The following ATRNL1 variants were observed in gnomAD, a reference collection of about 807,000 sequenced individuals.
ATRNL1 encodes attractin-like protein 1.
A neutral mutation model predicts 182.7 loss-of-function variants in ATRNL1; 95 were observed. That is an observed-to-expected ratio of 0.52 (90% CI 0.44 to 0.62). The LOEUF (loss-of-function observed/expected upper bound fraction) is 0.62. Among genes scored for constraint, ATRNL1 ranks in the 20% least tolerant of loss-of-function variants. The pLI, the probability that ATRNL1 is intolerant of heterozygous loss-of-function variation, is 0.00. For missense variants in ATRNL1, 1,471 were observed against 1,679.5 expected (o/e 0.88, Z 2.17); for synonymous variants, 576 against 568.3 (o/e 1.01, Z -0.19).
chr10:115,454,687 T>C (rs1847440157), intron 21 of ATRNL1, among the ~76,000 whole-genome samples: 1 of 152,156 alleles, frequency 6.6e-6, no homozygotes, highest in Admixed American at 6.6e-5. Flanking sequence ...TTAATTTCTT[T>C]TTCAGATAGT....
chr10:115,389,585 TA>T (rs1554953876), intron 19 of ATRNL1, among the ~76,000 whole-genome samples: 4 of 116,320 alleles, frequency 3.4e-5, no homozygotes, highest in East Asian at 2.4e-4. Flanking sequence ...TATATATATA[TA>T]TATATTTCAT....
chr10:115,534,781 A>G (rs528766605), intron 25 of ATRNL1, among the ~76,000 whole-genome samples: 1 of 149,626 alleles, frequency 6.7e-6, no homozygotes, highest in Admixed American at 6.7e-5. Flanking sequence ...TTCCTTCAGG[A>G]GCTCTTTTAG....
intron 27 of ATRNL1, among the ~76,000 whole-genome samples, chr10:115,727,940 A>G (rs1356893950): frequency 1.3e-5 from 2 of 151,976 alleles, no homozygotes; most frequent in Non-Finnish European, 2.9e-5. Context: ...TAGAATCCAA[A>G]AGTAATACAT....
chr10:115,681,857 C>T (rs1322602169), intron 26 of ATRNL1, among the ~76,000 whole-genome samples: 1 of 152,120 alleles, frequency 6.6e-6, no homozygotes, highest in Non-Finnish European at 1.5e-5. Context: ...ATATTGGTAA[C>T]TGTTTTTGCT....
At chr10:115,559,454 A>G (rs12782775) in intron 26 of ATRNL1, among the ~76,000 whole-genome samples, 60,197 of 135,298 alleles carry the variant, frequency 0.44, 12,550 homozygotes, top group Middle Eastern at 0.54. Flanking sequence ...GCGCGCGCGC[A>G]CGCACGCACA....
At chr10:115,717,633 T>G (rs185431185) in intron 26 of ATRNL1, among the ~76,000 whole-genome samples, 1 of 136,670 alleles carries the variant, frequency 7.3e-6, no homozygotes, top group Non-Finnish European at 1.5e-5. Context: ...CACACTGCAA[T>G]CTCCACATCC....
At chr10:115,438,014 A>T (rs1279196356) in intron 21 of ATRNL1, among the ~76,000 whole-genome samples, 1 of 152,030 alleles carries the variant, frequency 6.6e-6, no homozygotes, top group Non-Finnish European at 1.5e-5. Context: ...AATGGTATAG[A>T]TGATGCTAAA....
At position 115,930,748 on chromosome 10, in the gene ATRNL1, C is replaced by G. The variant is rs140756291; in HGVS notation, c.4019-13910C>G. 1.6e-4 allele frequency among the ~76,000 whole-genome samples: 24 copies of G among 152,236 alleles called. 2 individuals are homozygous for G. In the East Asian group the frequency reaches 4.3e-3, roughly 27 times the overall value. ...TGGATGGTAAACATCTGGGCATGAG[C>G]ATTATGAGTTAATGTGTTTTTGTAC... On this transcript the variant is annotated intron_variant, in intron 28 of 28. Coordinates refer to ENST00000355044, the MANE Select transcript of ATRNL1 (RefSeq NM_207303.4).
At chr10:115,499,107 C>A (rs1486566259) in intron 24 of ATRNL1, among the ~76,000 whole-genome samples, 1 of 151,992 alleles carries the variant, frequency 6.6e-6, no homozygotes, top group South Asian at 2.1e-4. Context: ...CATAAATATG[C>A]AAATACTATA....
chr10:115,789,527 A>T (rs563872722), intron 27 of ATRNL1, among the ~76,000 whole-genome samples: 2 of 152,190 alleles, frequency 1.3e-5, no homozygotes, highest in Non-Finnish European at 2.9e-5. Flanking sequence ...AAAGGGCTCA[A>T]CTGCGGGGGT....
chr10:115,126,051 AT>A (rs1844958790), intron 3 of ATRNL1, among the ~76,000 whole-genome samples: 3 of 152,160 alleles, frequency 2.0e-5, no homozygotes, highest in Non-Finnish European at 4.4e-5. Flanking sequence ...AAACAGATCT[AT>A]TCTTTTTTGT....
At chr10:115,724,413 CA>C (rs1947531196) in intron 26 of ATRNL1, among the ~76,000 whole-genome samples, 1 of 151,476 alleles carries the variant, frequency 6.6e-6, no homozygotes, top group South Asian at 2.1e-4. Flanking sequence ...TCTTCTGAGA[CA>C]AAAATAGTGC....
At chr10:115,611,643 T>C (rs1463346568) in intron 26 of ATRNL1, among the ~76,000 whole-genome samples, 1 of 152,154 alleles carries the variant, frequency 6.6e-6, no homozygotes, top group Admixed American at 6.5e-5. Context: ...TTAGATGGTG[T>C]GATATATTTC....
intron 28 of ATRNL1, among the ~76,000 whole-genome samples, chr10:115,928,512 T>C (rs1953301657): frequency 6.6e-6 from 1 of 152,008 alleles, no homozygotes; most frequent in Admixed American, 6.6e-5. Context: ...AAGCTTGTAT[T>C]AATTACCTTG....
chr10:115,402,550 G>T (rs1249162341), intron 20 of ATRNL1, among the ~76,000 whole-genome samples: 3 of 151,984 alleles, frequency 2.0e-5, no homozygotes, highest in Non-Finnish European at 4.4e-5. Flanking sequence ...ATTGATTTCT[G>T]GTGAAAAGTA....
intron 21 of ATRNL1, among the ~76,000 whole-genome samples, chr10:115,453,727 C>G (rs888215610): frequency 6.4e-5 from 9 of 140,238 alleles, no homozygotes; most frequent in Non-Finnish European, 1.2e-4. Flanking sequence ...TGTTCTCACT[C>G]ATAGGTGGGA....
chr10:115,659,064 G>T (rs77845276), intron 26 of ATRNL1, among the ~76,000 whole-genome samples: 1 of 152,110 alleles, frequency 6.6e-6, no homozygotes, highest in Non-Finnish European at 1.5e-5. Flanking sequence ...ATTGTGATGG[G>T]TGTCTCCCAT....
chr10:115,687,026 T>C (rs1946240344), intron 26 of ATRNL1, among the ~76,000 whole-genome samples: 1 of 152,046 alleles, frequency 6.6e-6, no homozygotes, highest in Non-Finnish European at 1.5e-5. Flanking sequence ...CTTATTTATT[T>C]ATTTATTTAG....
intron 21 of ATRNL1, among the ~76,000 whole-genome samples, chr10:115,434,407 A>G (rs912485818): frequency 4.6e-5 from 7 of 152,138 alleles, no homozygotes; most frequent in Non-Finnish European, 7.4e-5. Context: ...CATTTTATAG[A>G]TAAGAAAACA....
Sources: gnomAD v4.1 joint callset for allele counts (sites outside exome capture counted in the v4.1 genomes callset) on GRCh38, gnomAD v4.1.1 for gene constraint, MANE v1.5 for transcripts, NCBI Gene and HGNC (gene_info 2026-07-23, HGNC 2026-07-21) for gene names.